POLR3C: variants seen among roughly 807,000 people sequenced by gnomAD.
POLR3C encodes DNA-directed RNA polymerase III subunit RPC3.
In POLR3C, 44 loss-of-function variants were observed where a neutral mutation model predicts 65.9. The observed-to-expected ratio is 0.67, with a 90% CI of 0.52 to 0.86. The LOEUF (loss-of-function observed/expected upper bound fraction) is 0.86, where lower values mean the gene tolerates loss of function less well. Among genes scored for constraint, POLR3C ranks in the 40% least tolerant of loss-of-function variants. The pLI is 0.00. For synonymous variants in POLR3C, 263 were observed against 231.6 expected (o/e 1.14, Z -1.23); for missense variants, 576 against 653.2 (o/e 0.88, Z 1.29).
intron 5 of POLR3C, among the ~76,000 whole-genome samples, chr1:145,832,689 G>C (rs1651435596): frequency 6.6e-6 from 1 of 152,104 alleles, no homozygotes; most frequent in African/African-American, 2.4e-5. Context: ...AAGGAAGAAG[G>C]GTCAAGTTGG....
At chr1:145,830,446 G>A (rs1050825501) in intron 5 of POLR3C, among the ~76,000 whole-genome samples, 9 of 152,146 alleles carry the variant, frequency 5.9e-5, no homozygotes, top group African/African-American at 2.2e-4. Context: ...CTTGGTAATG[G>A]GGTGGTAGAT....
At chr1:145,836,407 A>G in intron 7 of POLR3C, 87 bp from the exon 8 acceptor site, 1 of 805,676 alleles carries the variant, frequency 1.2e-6, no homozygotes, top group Non-Finnish European at 2.2e-6. Flanking sequence ...GGCCTTAGCC[A>G]CTGTGCCCGG....
intron 11 of POLR3C, chr1:145,839,512 G>A (rs1652118606): frequency 1.2e-5 from 2 of 171,772 alleles, no homozygotes; most frequent in East Asian, 1.6e-4. Context: ...GATCACTTGA[G>A]CCCAGGAATT....
At chr1:145,829,363 A>C (rs1553726589) in intron 5 of POLR3C, among the ~76,000 whole-genome samples, 1 of 152,202 alleles carries the variant, frequency 6.6e-6, no homozygotes, top group Non-Finnish European at 1.5e-5. Flanking sequence ...AAATCCTTGG[A>C]ACCCTCTAAT....
rs1044836535 is a variant in POLR3C at position 145,840,225 on chromosome 1, A to G, written c.1373+60A>G. ...TTCAAGATCAAGGGCCTCAGGGGAA[A>G]TTTCCTCTAGAAATAGGAATCAATA... On this transcript the variant is annotated intron_variant, in intron 13 of 14. Transcript: ENST00000334163. The G allele has an allele frequency of 2.8e-5, 31 of 1,096,444 alleles. No individual in the cohort carries two copies. The South Asian group carries it at 3.9e-4, about 14-fold the overall frequency. The allele number at this position is 1,096,444 out of a possible 1,614,324, so 67.9% of individuals were successfully genotyped here.
chr1:145,833,291 C>T lies in POLR3C; in HGVS notation c.710C>T (p.Ala237Val). 2.5e-6 allele frequency: 4 copies of T among 1,612,230 alleles called. No homozygotes were observed. Among genetic ancestry groups the T allele is most frequent in the Non-Finnish European group, 3.4e-6 (4 of 1,178,898 alleles). ...PIPDDGIYWQ[A>V]NLDRFHQHFR... ...CCAGATGATGGGATTTATTGGCAGG[C>T]CAACCTTGACAGATTCCACCAACAC... Residue 237 changes from alanine (A) to valine (V), a missense_variant, in exon 6 of 15, where the codon GCC becomes GTC. Transcript: ENST00000334163.
intron 1 of POLR3C, 140 bp from the exon 2 acceptor site, chr1:145,825,617 A>T: frequency 1.9e-6 from 1 of 521,750 alleles, no homozygotes; most frequent in Non-Finnish European, 3.4e-6. Context: ...TTGTTGTTTC[A>T]AAGATATGCA....
chr1:145,834,964 A>AC (rs879945966), intron 7 of POLR3C, among the ~76,000 whole-genome samples: 100 of 148,896 alleles, frequency 6.7e-4, no homozygotes, highest in Middle Eastern at 6.9e-3. Flanking sequence ...ACATGACAAG[A>AC]CCCCCGTCTC....
At chr1:145,836,182 G>A (rs1170941542) in intron 7 of POLR3C, among the ~76,000 whole-genome samples, 8 of 150,628 alleles carry the variant, frequency 5.3e-5, no homozygotes, top group Non-Finnish European at 1.2e-4. Flanking sequence ...GTCCATTGGC[G>A]CAATCTCGGC....
chr1:145,831,126 T>C (rs1217816413), intron 5 of POLR3C, among the ~76,000 whole-genome samples: 1 of 150,934 alleles, frequency 6.6e-6, no homozygotes, highest in African/African-American at 2.4e-5. Flanking sequence ...GGGTTGGTTA[T>C]AGTGTAGTTA....
rs781807434 is a variant in POLR3C at position 145,840,964 on chromosome 1, A to T, written c.1416A>T (p.Ala472=). Residue 472 remains alanine (A), a synonymous_variant, in exon 14 of 15, where the codon GCA becomes GCT. Coordinates refer to ENST00000334163, the MANE Select transcript of POLR3C (RefSeq NM_006468.8). ...EKSQRVEAII[A]SMQATGAEEA... Reference sequence around the variant, plus strand: ...CTCAGAGGGTAGAAGCCATCATTGCATCTATGCAGGCTACTGGTGCAGAGG... The same window carrying T: ...CTCAGAGGGTAGAAGCCATCATTGCTTCTATGCAGGCTACTGGTGCAGAGG... The T allele has an allele frequency of 4.3e-6, 7 of 1,611,544 alleles. No homozygotes were observed. Among genetic ancestry groups the T allele is most frequent in the Non-Finnish European group, 5.1e-6 (6 of 1,177,736 alleles).
At position 145,828,772 on chromosome 1, in the gene POLR3C, T is replaced by A; in HGVS notation, c.613T>A (p.Ser205Thr). Residue 205 changes from serine to threonine, a missense_variant, in exon 5 of 15, where the codon TCT (serine) becomes ACT (threonine). Ser to Thr is a moderately conservative substitution (Grantham distance 58, BLOSUM62 1). Transcript: ENST00000334163. The stretch of plus-strand genomic sequence containing the variant: ...AGGGAAAGGTAAAAGGAGGAGATCA[T>A]CTGATGAAGATGCTGCTGGGGAGCC... ...LIGKGKRRRS[S>T]DEDAAGEPKA... 2 of 1,609,476 alleles carry A rather than the reference T, an allele frequency of 1.2e-6. No homozygotes were observed. The highest frequency in any genetic ancestry group is 1.7e-6 in the Non-Finnish European group (2 of 1,175,780).
Position 145,832,044 on chromosome 1 carries a change from G to GA in POLR3C, c.679-1206dup, listed in dbSNP as rs1394740174. 1.1e-3 allele frequency among the ~76,000 whole-genome samples: 154 copies of GA among 145,790 alleles called. 2 individuals carry two copies. Among genetic ancestry groups the GA allele is most frequent in the Middle Eastern group, 3.4e-3 (1 of 290 alleles). ...GTGACAAAGACCCTGTCTTTAAAAG[G>GA]AAAAAAAAAATGGTGTCATAAAACC... is the stretch of plus-strand genomic sequence containing the variant. On this transcript the variant is annotated intron_variant, in intron 5 of 14. Coordinates refer to ENST00000334163, the MANE Select transcript of POLR3C (RefSeq NM_006468.8).
chr1:145,826,913 C>G lies in POLR3C; in HGVS notation c.497C>G (p.Thr166Ser). The G allele has an allele frequency of 6.2e-7, 1 of 1,613,470 alleles. No individual in the cohort carries two copies. The highest frequency in any genetic ancestry group is 1.7e-4 in the Middle Eastern group (1 of 6,060). Residue 166 changes from threonine to serine, a missense_variant, in exon 4 of 15, where the codon ACT (threonine) becomes AGT (serine). By Grantham distance (58) the Thr-to-Ser change is moderately conservative (BLOSUM62 1). Coordinates refer to ENST00000334163, the MANE Select transcript of POLR3C (RefSeq NM_006468.8). The part of the protein sequence containing the change: ...FVQRCPSVPT[T>S]ENSDPGPPPP... The stretch of plus-strand genomic sequence containing the variant: ...CAACGCTGCCCTTCGGTACCTACCA[C>G]TGAGAATTCAGACCCTGGGCCACCA...
At chr1:145,839,554 T>C (rs1417456286) in intron 11 of POLR3C, 16 of 201,254 alleles carry the variant, frequency 8.0e-5, no homozygotes, top group Admixed American at 6.6e-4. Flanking sequence ...AGTGAGACCA[T>C]GTCTCCACCA....
At chr1:145,837,459 A>G (rs1651940777) in intron 9 of POLR3C, 77 bp from the exon 10 acceptor site, 4 of 697,718 alleles carry the variant, frequency 5.7e-6, no homozygotes, top group Non-Finnish European at 9.7e-6. Context: ...ATTATAAATT[A>G]GAAACTTAGG....
Position 145,833,597 on chromosome 1 carries a change from C to T in POLR3C, c.876+15C>T, listed in dbSNP as rs1559147216. 6 of 1,480,494 alleles carry T rather than the reference C, an allele frequency of 4.1e-6. No homozygotes were observed. The highest frequency in any genetic ancestry group is 4.7e-6 in the Non-Finnish European group (5 of 1,057,882). The allele number at this position is 1,480,494 out of a possible 1,614,324, so 91.7% of individuals were successfully genotyped here. On this transcript the variant is annotated intron_variant, in intron 7 of 14. Coordinates refer to ENST00000334163, the MANE Select transcript of POLR3C (RefSeq NM_006468.8). ...CTTCCAATGAGGTGAGTTTCATGTT[C>T]TTGCACTAACTTTCTGACAGATTCT...
rs782150648 is a variant in POLR3C, at chr1:145,836,760, G to GA, written c.958-52dup. On this transcript the variant is annotated intron_variant, in intron 8 of 14. Transcript: ENST00000334163. ...ACTTTTGGTCAGATTTGTTCCATTG[G>GA]AAACAGAATCACTGGACTTTCCGTT... 5.0e-5 allele frequency: 59 copies of GA among 1,180,192 alleles called. No individual in the cohort carries two copies. The African/African-American group carries it at 7.0e-4, about 14-fold the overall frequency. The allele number at this position is 1,180,192 out of a possible 1,614,324, so 73.1% of individuals were successfully genotyped here. A position where few individuals can be genotyped will look rare whatever the true frequency, so the allele number is the denominator to read the frequency against.
At chr1:145,828,973 A>C (rs1279190710) in intron 5 of POLR3C, 136 bp downstream of exon 5, 1 of 602,068 alleles carries the variant, frequency 1.7e-6, no homozygotes, top group African/African-American at 1.9e-5. Flanking sequence ...AATATTAGGA[A>C]TAGACTAACA....
Sources: gnomAD v4.1 joint callset for allele counts (sites outside exome capture counted in the v4.1 genomes callset) on GRCh38, gnomAD v4.1.1 for gene constraint, MANE v1.5 for transcripts, NCBI Gene and HGNC (gene_info 2026-07-23, HGNC 2026-07-21) for gene names.